ARHGAP19: variants seen among roughly 807,000 people sequenced by gnomAD.
The protein encoded by ARHGAP19 is Rho GTPase activating protein 19, also known as rho GTPase-activating protein 19.
In ARHGAP19, 48 loss-of-function variants were observed where a neutral mutation model predicts 60.9. The ratio of observed to expected loss-of-function variants is 0.79; its 90% confidence interval spans 0.62 to 1.00. ARHGAP19 has a LOEUF of 1.00. Ranked by LOEUF, ARHGAP19 falls within the 50% of genes least tolerant of loss-of-function variation. The probability of loss-of-function intolerance (pLI) is 0.00; values close to 1 mark genes in which losing one functional copy is unlikely to be tolerated. For missense variants in ARHGAP19, 562 were observed against 597.2 expected (o/e 0.94, Z 0.61); for synonymous variants, 209 against 215.5 (o/e 0.97, Z 0.27).
chr10:97,259,854 G>GTTTTGTTTC (rs1842805750), intron 4 of ARHGAP19, among the ~76,000 whole-genome samples: 1 of 37,384 alleles, frequency 2.7e-5, no homozygotes, highest in African/African-American at 6.5e-5. Context: ...TGTTTTTTTT[G>GTTTTGTTTC]AGACAAAGTC....
At chr10:97,258,467 G>C (rs1842785171) in intron 5 of ARHGAP19, among the ~76,000 whole-genome samples, 2 of 152,132 alleles carry the variant, frequency 1.3e-5, no homozygotes, top group Non-Finnish European at 2.9e-5. Context: ...CTGGGAGGCA[G>C]AGATTGCACT....
intron 1 of ARHGAP19, among the ~76,000 whole-genome samples, chr10:97,280,869 C>G (rs189365886): frequency 8.5e-5 from 13 of 152,298 alleles, no homozygotes; most frequent in African/African-American, 3.1e-4. Context: ...AGGCATGAGC[C>G]ACTGCACCCA....
intron 1 of ARHGAP19, among the ~76,000 whole-genome samples, chr10:97,285,370 T>C (rs1194028663): frequency 3.3e-5 from 5 of 152,068 alleles, no homozygotes; most frequent in Non-Finnish European, 7.4e-5. Context: ...AGGGTCTCAG[T>C]CACCCAGGCC....
intron 9 of ARHGAP19, among the ~76,000 whole-genome samples, chr10:97,233,295 A>C (rs192962459): frequency 6.6e-6 from 1 of 152,216 alleles, no homozygotes. Context: ...AGGCTGCAAT[A>C]AGCCATGATG....
intron 1 of ARHGAP19, 150 bp downstream of exon 1, chr10:97,292,422 C>T: frequency 1.9e-6 from 2 of 1,028,596 alleles, no homozygotes; most frequent in Non-Finnish European, 2.9e-6. Context: ...CCGACCCCCG[C>T]GCCTCAGCCC....
At chr10:97,263,107 T>C (rs1842852741) in intron 4 of ARHGAP19, among the ~76,000 whole-genome samples, 1 of 152,176 alleles carries the variant, frequency 6.6e-6, no homozygotes, top group Admixed American at 6.5e-5. Flanking sequence ...AGTGAGATCA[T>C]GTCTCCAACT....
intron 1 of ARHGAP19, among the ~76,000 whole-genome samples, chr10:97,283,829 A>G (rs922716142): frequency 3.9e-4 from 16 of 40,894 alleles, no homozygotes; most frequent in Non-Finnish European, 8.5e-4. Context: ...CTTCATCTCT[A>G]TTAAAAAAAA....
At chr10:97,240,976 T>C (rs542909370) in intron 8 of ARHGAP19, among the ~76,000 whole-genome samples, 1 of 152,336 alleles carries the variant, frequency 6.6e-6, no homozygotes, top group East Asian at 1.9e-4. Context: ...TGTATAATTT[T>C]TATAATCATG....
intron 4 of ARHGAP19, among the ~76,000 whole-genome samples, chr10:97,262,379 T>G (rs1421813739): frequency 6.6e-6 from 1 of 151,902 alleles, no homozygotes; most frequent in Admixed American, 6.6e-5. Flanking sequence ...AAAAATAAAT[T>G]TCCTTGGCTG....
intron 8 of ARHGAP19, among the ~76,000 whole-genome samples, chr10:97,240,558 G>A (rs183549314): frequency 6.6e-6 from 1 of 152,334 alleles, no homozygotes; most frequent in East Asian, 1.9e-4. Context: ...GGTTGAGGCA[G>A]GAGAATTGCT....
intron 8 of ARHGAP19, among the ~76,000 whole-genome samples, chr10:97,240,416 C>T (rs992531755): frequency 1.3e-5 from 2 of 152,186 alleles, no homozygotes; most frequent in Non-Finnish European, 2.9e-5. Context: ...CTTTGGGAGC[C>T]CAAGGCAGGC....
rs982616015 is a variant in ARHGAP19, at chr10:97,289,818, C to G, written c.56+2754G>C. On this transcript the variant is annotated intron_variant, in intron 1 of 11. Coordinates refer to ENST00000358531, the MANE Select transcript of ARHGAP19 (RefSeq NM_032900.6). ...GCAGGGACCTGTGATCGTATCACTG[C>G]ACTCCAGCCTGGGCAACAGAAGGAG... is the stretch of plus-strand genomic sequence containing the variant. 2.0e-5 allele frequency among the ~76,000 whole-genome samples: 3 copies of G among 148,126 alleles called. No homozygotes were observed. In the Admixed American group the frequency reaches 2.0e-4, roughly 10 times the overall value.
At chr10:97,280,579 T>C (rs894360170) in intron 1 of ARHGAP19, among the ~76,000 whole-genome samples, 1 of 151,994 alleles carries the variant, frequency 6.6e-6, no homozygotes, top group Non-Finnish European at 1.5e-5. Flanking sequence ...AGTCTCTCTT[T>C]TCCTATTTTT....
intron 1 of ARHGAP19, 68 bp downstream of exon 1, chr10:97,292,504 A>G: frequency 6.3e-7 from 1 of 1,582,156 alleles, no homozygotes. Context: ...CCGTGACCCA[A>G]GGCAAAGGCG....
rs869291841 is a variant in ARHGAP19, at chr10:97,231,059, C to CAAAAAAA, written c.1285-1192_1285-1186dup. 2.5e-3 allele frequency among the ~76,000 whole-genome samples: 149 copies of CAAAAAAA among 59,764 alleles called. 10 individuals carry two copies. The highest frequency in any genetic ancestry group is 0.014 in the Middle Eastern group (1 of 72). The allele number at this position is 59,764 out of a possible 152,430, so 39.2% of individuals were successfully genotyped here. A position where few individuals can be genotyped will look rare whatever the true frequency, so the allele number is the denominator to read the frequency against. On this transcript the variant is annotated intron_variant, in intron 9 of 11. Transcript: ENST00000358531. Reference sequence around the variant, plus strand: ...ACACCTAGTGAGACTCTTGTCTCACCAAAAAAAAAAAAAAAAAAAAAAAAA... The same window carrying CAAAAAAA: ...ACACCTAGTGAGACTCTTGTCTCACCAAAAAAAAAAAAAAAAAAAAAAAAAAAAAAAA...
chr10:97,235,026 C>T (rs1442169809), intron 9 of ARHGAP19, among the ~76,000 whole-genome samples, 191 bp downstream of exon 9: 1 of 152,208 alleles, frequency 6.6e-6, no homozygotes, highest in Admixed American at 6.5e-5. Context: ...CACAGAGCCC[C>T]TTCTCTGATG....
At position 97,223,118 on chromosome 10, in the gene ARHGAP19, G is replaced by A. The variant is rs911334623; in HGVS notation, c.*3004C>T. ...ACAGATACCTCCGGAGCACCCAGGT[G>A]TCACTGCAGTCAACAGCCCTCCACT... On this transcript the variant is annotated 3_prime_UTR_variant, in exon 12 of 12. Transcript: ENST00000358531. The A allele has an allele frequency of 2.6e-5, 4 of 152,254 alleles. No homozygotes were observed. The highest frequency in any genetic ancestry group is 5.9e-5 in the Non-Finnish European group (4 of 68,094). 9.4% of individuals were successfully genotyped at this position (152,254 alleles called of 1,614,324 possible). A position where few individuals can be genotyped will look rare whatever the true frequency, so the allele number is the denominator to read the frequency against.
chr10:97,242,160 AC>A (rs1368066151), intron 8 of ARHGAP19, among the ~76,000 whole-genome samples: 2 of 151,066 alleles, frequency 1.3e-5, no homozygotes, highest in African/African-American at 2.4e-5. Context: ...TATGATCATA[AC>A]TATGTAAAAA....
chr10:97,292,039 G>C (rs1720965994), intron 1 of ARHGAP19, among the ~76,000 whole-genome samples: 1 of 152,118 alleles, frequency 6.6e-6, no homozygotes, highest in South Asian at 2.1e-4. Context: ...AGCTTTAAAT[G>C]GATTGTCTTA....
Sources: gnomAD v4.1 joint callset for allele counts (sites outside exome capture counted in the v4.1 genomes callset) on GRCh38, gnomAD v4.1.1 for gene constraint, MANE v1.5 for transcripts, NCBI Gene and HGNC (gene_info 2026-07-23, HGNC 2026-07-21) for gene names.